Variants in SMC6 observed in about 807,000 individuals in gnomAD.
SMC6 encodes the protein structural maintenance of chromosomes 6, also known as structural maintenance of chromosomes protein 6.
A neutral mutation model predicts 142.2 loss-of-function variants in SMC6; 79 were observed. That is an observed-to-expected ratio of 0.56 (90% CI 0.46 to 0.67). The LOEUF (loss-of-function observed/expected upper bound fraction) is 0.67. Among genes scored for constraint, SMC6 ranks in the 30% least tolerant of loss-of-function variants. The probability of loss-of-function intolerance (pLI) is 0.00; values close to 1 mark genes in which losing one functional copy is unlikely to be tolerated. For missense variants in SMC6, 1,072 were observed against 1,284.0 expected (o/e 0.83, Z 2.52); for synonymous variants, 411 against 412.4 (o/e 1.00, Z 0.04).
At chr2:17,672,520 A>G (rs1666808358) in intron 25 of SMC6, among the ~76,000 whole-genome samples, 1 of 149,090 alleles carries the variant, frequency 6.7e-6, no homozygotes, top group Non-Finnish European at 1.5e-5. Context: ...CTGGGTAACC[A>G]CTACTGAGAT....
intron 7 of SMC6, among the ~76,000 whole-genome samples, chr2:17,727,592 C>T (rs1669693975): frequency 1.3e-5 from 2 of 151,946 alleles, no homozygotes; most frequent in South Asian, 4.2e-4. Context: ...CTGACTAATA[C>T]ACCTAACAAG....
At chr2:17,717,496 C>A (rs1054326100) in intron 12 of SMC6, among the ~76,000 whole-genome samples, 5 of 151,610 alleles carry the variant, frequency 3.3e-5, no homozygotes, top group African/African-American at 1.2e-4. Context: ...ATGGTGAAAC[C>A]CCGTCTCTAC....
In SMC6 at chr2:17,718,069, T is replaced by C; in HGVS notation, c.1092+8A>G. On this transcript the variant is annotated splice_region_variant and intron_variant, in intron 12 of 27. Transcript: ENST00000448223. ...TTTTAAAATTCCAGTTTAGAAAATT[T>C]ATCTCACCTCAGCTTCATTATAGGC... The C allele has an allele frequency of 2.5e-6, 4 of 1,590,382 alleles. No individual in the cohort carries two copies. Among genetic ancestry groups the C allele is most frequent in the South Asian group, 1.2e-5 (1 of 84,730 alleles).
chr2:17,726,713 C>T (rs1022014188), intron 7 of SMC6, among the ~76,000 whole-genome samples: 5 of 152,172 alleles, frequency 3.3e-5, no homozygotes, highest in Admixed American at 3.3e-4. Context: ...TCTACCAGTA[C>T]ATGAGGGCAC....
chr2:17,746,075 A>T, intron 2 of SMC6, 124 bp from the exon 3 acceptor site: 1 of 950,380 alleles, frequency 1.1e-6, no homozygotes, highest in Non-Finnish European at 1.4e-6. Context: ...TACCTTAAAA[A>T]TTAAAGTAAA....
intron 16 of SMC6, 138 bp downstream of exon 16, chr2:17,714,723 G>C: frequency 1.2e-6 from 1 of 854,356 alleles, no homozygotes; most frequent in Non-Finnish European, 1.8e-6. Flanking sequence ...CTAATACCTA[G>C]ACAGAAATTA....
intron 19 of SMC6, among the ~76,000 whole-genome samples, chr2:17,702,117 C>T (rs1226524309): frequency 3.9e-5 from 6 of 152,098 alleles, no homozygotes; most frequent in Non-Finnish European, 2.9e-5. Context: ...CATTCCCATG[C>T]AAAAGAGATG....
intron 11 of SMC6, among the ~76,000 whole-genome samples, chr2:17,720,331 G>C (rs192391849): frequency 3.9e-5 from 6 of 152,166 alleles, no homozygotes; most frequent in Non-Finnish European, 8.8e-5. Context: ...CCGTGTGGAA[G>C]ACTTTTATGA....
At chr2:17,723,196 C>T (rs1262222680) in intron 9 of SMC6, among the ~76,000 whole-genome samples, 1 of 152,148 alleles carries the variant, frequency 6.6e-6, no homozygotes, top group African/African-American at 2.4e-5. Context: ...AGTTCTCTCT[C>T]TTACTACTAC....
chr2:17,752,609 G>A (rs983598804), intron 2 of SMC6, among the ~76,000 whole-genome samples: 1 of 152,094 alleles, frequency 6.6e-6, no homozygotes, highest in African/African-American at 2.4e-5. Context: ...CACCCATTAA[G>A]CAAAAGAAAT....
intron 16 of SMC6, among the ~76,000 whole-genome samples, chr2:17,714,359 G>A (rs1668978225): frequency 6.6e-6 from 1 of 152,040 alleles, no homozygotes; most frequent in Admixed American, 6.6e-5. Context: ...CTACCAAAGT[G>A]CTGGGATTAC....
At chr2:17,681,796 T>C (rs1667249799) in intron 24 of SMC6, 1 of 152,146 alleles carries the variant, frequency 6.6e-6, no homozygotes, top group Non-Finnish European at 1.5e-5. Flanking sequence ...TCTGAAATAT[T>C]GCAAAAATTA....
chr2:17,746,884 G>A (rs568054765), intron 2 of SMC6, among the ~76,000 whole-genome samples: 1 of 152,232 alleles, frequency 6.6e-6, no homozygotes, highest in South Asian at 2.1e-4. Context: ...TAAGATATAA[G>A]AATATGAGGA....
intron 5 of SMC6, among the ~76,000 whole-genome samples, chr2:17,737,917 T>C (rs777935687): frequency 5.3e-5 from 8 of 152,196 alleles, no homozygotes; most frequent in Non-Finnish European, 5.9e-5. Flanking sequence ...TAGCAAGGTT[T>C]ATAAACACTT....
chr2:17,719,132 G>C (rs1467700863), intron 11 of SMC6, among the ~76,000 whole-genome samples: 1 of 152,112 alleles, frequency 6.6e-6, no homozygotes, highest in Non-Finnish European at 1.5e-5. Context: ...TGGGCCACAT[G>C]GTCTCTCCTA....
At chr2:17,710,902 G>A (rs549480178) in intron 16 of SMC6, among the ~76,000 whole-genome samples, 17 of 152,186 alleles carry the variant, frequency 1.1e-4, no homozygotes, top group Non-Finnish European at 2.2e-4. Flanking sequence ...GACAGTAGCA[G>A]GTAAATGGCT....
intron 18 of SMC6, among the ~76,000 whole-genome samples, chr2:17,706,398 A>G (rs1668509358): frequency 1.3e-5 from 2 of 152,144 alleles, no homozygotes; most frequent in Non-Finnish European, 2.9e-5. Flanking sequence ...ACTTTCCAAC[A>G]TCCATTATGG....
chr2:17,721,591 G>C lies in SMC6; in HGVS notation c.727-330C>G, dbSNP rs932560698. ...TTATTCCCTATCTGATAGACATGAT[G>C]GTCTGTTCCTCAAAGCAGAGTCAAT... is the stretch of plus-strand genomic sequence containing the variant. On this transcript the variant is annotated intron_variant, in intron 9 of 27. Coordinates refer to ENST00000448223, the MANE Select transcript of SMC6 (RefSeq NM_001142286.2). Among the ~76,000 whole-genome samples the C allele has an allele frequency of 3.3e-5, 5 of 152,104 alleles. No homozygotes were observed. In the East Asian group the frequency reaches 9.7e-4, roughly 29 times the overall value.
rs2103448303 is a variant in SMC6, at chr2:17,665,289, A to G, written c.*210T>C. ...AAAGATTTAAAACCAATACTATGAA[A>G]TTGATTTTCTTAAAGTAATAGTAAT... On this transcript the variant is annotated 3_prime_UTR_variant, in exon 28 of 28. Transcript: ENST00000448223. 5.6e-6 allele frequency: 2 copies of G among 357,658 alleles called. No individual in the cohort carries two copies. The allele number at this position is 357,658 out of a possible 1,614,324, so 22.2% of individuals were successfully genotyped here. A position where few individuals can be genotyped will look rare whatever the true frequency, so the allele number is the denominator to read the frequency against.
Sources: gnomAD v4.1 joint callset for allele counts (sites outside exome capture counted in the v4.1 genomes callset) on GRCh38, gnomAD v4.1.1 for gene constraint, MANE v1.5 for transcripts, NCBI Gene and HGNC (gene_info 2026-07-23, HGNC 2026-07-21) for gene names.